Variants in ROBO1 observed in about 807,000 individuals in gnomAD.
ROBO1 encodes the protein roundabout guidance receptor 1, also known as roundabout homolog 1.
In ROBO1, 149 loss-of-function variants were observed where a neutral mutation model predicts 195.9. The ratio of observed to expected loss-of-function variants is 0.76; its 90% CI spans 0.67 to 0.87. The LOEUF (loss-of-function observed/expected upper bound fraction) is 0.87. Among genes scored for constraint, ROBO1 ranks in the 40% least tolerant of loss-of-function variants. The pLI is 0.00. For missense variants in ROBO1, 1,933 were observed against 2,068.3 expected (o/e 0.93, Z 1.27); for synonymous variants, 816 against 733.2 (o/e 1.11, Z -1.82).
intron 3 of ROBO1, among the ~76,000 whole-genome samples, chr3:78,955,219 T>C (rs544385850): frequency 6.8e-6 from 1 of 146,070 alleles, no homozygotes; most frequent in African/African-American, 2.6e-5. Flanking sequence ...CTGTGTGTCA[T>C]GGGGGTTATA....
chr3:78,724,513 T>TAAA (rs138643700), intron 5 of ROBO1, among the ~76,000 whole-genome samples: 17 of 89,640 alleles, frequency 1.9e-4, no homozygotes, highest in African/African-American at 7.3e-4. Context: ...CCATCTCTAC[T>TAAA]AAAAAAAAAA....
intron 3 of ROBO1, among the ~76,000 whole-genome samples, chr3:78,974,605 A>G (rs2076845505): frequency 6.6e-6 from 1 of 152,192 alleles, no homozygotes; most frequent in Non-Finnish European, 1.5e-5. Flanking sequence ...TGTCACCAGC[A>G]GTTTAGAGTT....
At chr3:79,360,965 G>C (rs754080382) in intron 2 of ROBO1, among the ~76,000 whole-genome samples, 7 of 152,008 alleles carry the variant, frequency 4.6e-5, no homozygotes, top group African/African-American at 1.7e-4. Context: ...TTGATCCATG[G>C]TGCAGCCTTG....
At chr3:78,616,062 T>C (rs1222397680) in intron 27 of ROBO1, among the ~76,000 whole-genome samples, 1 of 152,146 alleles carries the variant, frequency 6.6e-6, no homozygotes. Context: ...AAACAGAGAA[T>C]TAGGGCTGAG....
In ROBO1 at chr3:79,642,025, T is replaced by C. The variant is rs567078387; in HGVS notation, c.-50-52064A>G. 2.6e-5 allele frequency among the ~76,000 whole-genome samples: 4 copies of C among 152,186 alleles called. No homozygotes were observed. The South Asian group carries it at 6.2e-4, about 24-fold the overall frequency. ...CAGAGTGAGAGACTGTTTTGTTTTG[T>C]TTTTTGTTTTTTTAAAAAAGGAAAA... On this transcript the variant is annotated intron_variant, in intron 1 of 30. Transcript: ENST00000464233.
At chr3:78,637,673 C>A (rs559710133) in intron 22 of ROBO1, among the ~76,000 whole-genome samples, 1 of 152,200 alleles carries the variant, frequency 6.6e-6, no homozygotes, top group African/African-American at 2.4e-5. Context: ...AGGTCTCAAC[C>A]CAGTTTTTCT....
intron 2 of ROBO1, among the ~76,000 whole-genome samples, chr3:79,431,512 C>A (rs987770637): frequency 6.6e-6 from 1 of 151,922 alleles, no homozygotes; most frequent in Admixed American, 6.6e-5. Flanking sequence ...GACTGCGATA[C>A]CATGGTAATG....
At chr3:78,680,287 C>T (rs1233402811) in intron 10 of ROBO1, among the ~76,000 whole-genome samples, 4 of 152,136 alleles carry the variant, frequency 2.6e-5, no homozygotes, top group African/African-American at 9.7e-5. Flanking sequence ...GACTTCATGT[C>T]TAAAACACCA....
intron 14 of ROBO1, 130 bp from the exon 15 acceptor site, chr3:78,662,244 G>GA (rs11359455): frequency 0.044 from 18,402 of 422,054 alleles, 120 homozygotes; most frequent in African/African-American, 0.05. Context: ...CTGTGATTCG[G>GA]AAAAAAAAAA....
chr3:79,243,176 C>T lies in ROBO1; in HGVS notation c.89-117637G>A, dbSNP rs925402483. Among the ~76,000 whole-genome samples the T allele has an allele frequency of 3.4e-3, 520 of 151,596 alleles. 6 individuals are homozygous for T. The highest frequency in any genetic ancestry group is 0.01 in the African/African-American group (433 of 41,344). On this transcript the variant is annotated intron_variant, in intron 2 of 30. Coordinates refer to ENST00000464233, the MANE Select transcript of ROBO1 (RefSeq NM_002941.4). ...AAGGACATGAACTCATCATTTTTTA[C>T]GGCTGCATAGTATTTCATGGTGTAT...
At chr3:78,818,661 A>T (rs1371383086) in intron 4 of ROBO1, among the ~76,000 whole-genome samples, 1 of 152,236 alleles carries the variant, frequency 6.6e-6, no homozygotes, top group Non-Finnish European at 1.5e-5. Flanking sequence ...GCCTCAAGCC[A>T]AAAGTGCTTC....
At chr3:79,657,897 C>T (rs1946215011) in intron 1 of ROBO1, among the ~76,000 whole-genome samples, 1 of 151,938 alleles carries the variant, frequency 6.6e-6, no homozygotes, top group Non-Finnish European at 1.5e-5. Context: ...ACTTAGTAAG[C>T]CAGCACACTC....
intron 1 of ROBO1, among the ~76,000 whole-genome samples, chr3:79,691,714 A>T (rs561345036): frequency 6.6e-5 from 10 of 152,058 alleles, no homozygotes; most frequent in Non-Finnish European, 1.2e-4. Flanking sequence ...TAAGCTTGTT[A>T]GCAAGTTCTT....
chr3:78,721,588 T>A (rs562591381), intron 5 of ROBO1, among the ~76,000 whole-genome samples: 13 of 152,310 alleles, frequency 8.5e-5, no homozygotes, highest in Admixed American at 5.2e-4. Flanking sequence ...TAATTTAACA[T>A]TCTCTTTGTT....
intron 3 of ROBO1, among the ~76,000 whole-genome samples, chr3:79,012,547 C>T (rs779541205): frequency 6.6e-6 from 1 of 152,146 alleles, no homozygotes; most frequent in African/African-American, 2.4e-5. Context: ...CAGCTGTGAA[C>T]GCCACAGAGG....
chr3:79,054,058 C>T (rs147860522), intron 3 of ROBO1, among the ~76,000 whole-genome samples: 241 of 152,218 alleles, frequency 1.6e-3, no homozygotes, highest in African/African-American at 5.5e-3. Flanking sequence ...GCTGTTCTAA[C>T]CCCATCTCAG....
intron 2 of ROBO1, among the ~76,000 whole-genome samples, chr3:79,583,401 A>G (rs1050077854): frequency 1.3e-5 from 2 of 151,992 alleles, no homozygotes; most frequent in African/African-American, 4.8e-5. Context: ...TCTACAAATT[A>G]TGATTTTTCT....
chr3:78,907,040 T>C (rs1437168766), intron 4 of ROBO1, among the ~76,000 whole-genome samples: 1 of 152,088 alleles, frequency 6.6e-6, no homozygotes, highest in African/African-American at 2.4e-5. Flanking sequence ...AAGGGAGAAG[T>C]ATTTGCATAG....
chr3:79,567,211 A>G (rs1168751311), intron 2 of ROBO1, among the ~76,000 whole-genome samples: 1 of 152,160 alleles, frequency 6.6e-6, no homozygotes, highest in East Asian at 1.9e-4. Context: ...ATGAGAACAC[A>G]TGGACACATA....
Sources: gnomAD v4.1 joint callset for allele counts (sites outside exome capture counted in the v4.1 genomes callset) on GRCh38, gnomAD v4.1.1 for gene constraint, MANE v1.5 for transcripts, NCBI Gene and HGNC (gene_info 2026-07-23, HGNC 2026-07-21) for gene names.